The following PCDHA11 variants were observed in gnomAD, a reference collection of about 807,000 sequenced individuals.
PCDHA11 encodes protocadherin alpha-11.
Under a neutral mutation model 70.3 loss-of-function variants are expected in PCDHA11, and 61 were observed. The observed-to-expected ratio is 0.87, with a 90% confidence interval of 0.71 to 1.07. The LOEUF (loss-of-function observed/expected upper bound fraction) is 1.07. Among genes scored for constraint, PCDHA11 ranks in the 50% least tolerant of loss-of-function variants. The probability of loss-of-function intolerance (pLI) is 0.00; values close to 1 mark genes in which losing one functional copy is unlikely to be tolerated. For synonymous variants in PCDHA11, 633 were observed against 555.1 expected (o/e 1.14, Z -1.97); for missense variants, 1,324 against 1,237.5 (o/e 1.07, Z -1.05).
intron 1 of PCDHA11, 53 bp downstream of exon 1, chr5:140,871,547 A>T: frequency 6.7e-7 from 1 of 1,498,966 alleles, no homozygotes; most frequent in Non-Finnish European, 8.9e-7. Flanking sequence ...AATTATTTAA[A>T]ATCCAGTTTT....
chr5:140,980,015 G>A (rs1164072132), intron 2 of PCDHA11, among the ~76,000 whole-genome samples: 2 of 152,192 alleles, frequency 1.3e-5, no homozygotes, highest in East Asian at 3.9e-4. Flanking sequence ...CATTACAAAT[G>A]AGCAGAAATC....
chr5:140,944,097 A>G lies in PCDHA11; in HGVS notation c.2392-34852A>G, dbSNP rs2093609741. On this transcript the variant is annotated intron_variant, in intron 1 of 3. Coordinates refer to ENST00000398640, the MANE Select transcript of PCDHA11 (RefSeq NM_018902.5). ...ATAAAGGAGGCCTGAGTAAGTTTAT[A>G]TCTCATGGGAAAATGGTACCAGAGA... is the stretch of plus-strand genomic sequence containing the variant. Among the ~76,000 whole-genome samples, 3 of 152,244 alleles carry G rather than the reference A, an allele frequency of 2.0e-5. No individual in the cohort carries two copies. In the South Asian group the frequency reaches 6.2e-4, roughly 31 times the overall value.
chr5:140,869,199 C>T lies in PCDHA11; in HGVS notation c.96C>T (p.His32=). ...GGGAGGTGGGGAGCGGCCAGCTCCA[C>T]TACTCCGTCTCGGAGGAGGCCAAAC... The part of the protein sequence containing the change: ...EFWEVGSGQL[H]YSVSEEAKHG... The change falls in exon 1 of 4, where the codon CAC becomes CAT. Residue 32 remains histidine, a synonymous_variant. Coordinates refer to ENST00000398640, the MANE Select transcript of PCDHA11 (RefSeq NM_018902.5). The T allele has an allele frequency of 6.2e-7, 1 of 1,614,024 alleles. No individual in the cohort carries two copies. Among genetic ancestry groups the T allele is most frequent in the Non-Finnish European group, 8.5e-7 (1 of 1,179,954 alleles).
chr5:140,883,080 A>G, intron 1 of PCDHA11: 1 of 1,614,140 alleles, frequency 6.2e-7, no homozygotes, highest in Non-Finnish European at 8.5e-7. Flanking sequence ...GATCCTGATG[A>G]TGGTACAAAT....
chr5:140,967,332 C>T (rs1269679357), intron 1 of PCDHA11: 2 of 1,607,906 alleles, frequency 1.2e-6, no homozygotes, highest in Non-Finnish European at 1.7e-6. Context: ...GAGCTCAGCC[C>T]CAGCGAGCAC....
In PCDHA11 at chr5:140,886,016, A is replaced by G. The variant is rs192748955; in HGVS notation, c.2391+14522A>G. Among the ~76,000 whole-genome samples the G allele has an allele frequency of 3.1e-3, 468 of 152,290 alleles. 3 individuals are homozygous for G. Among genetic ancestry groups the G allele is most frequent in the Middle Eastern group, 0.014 (4 of 294 alleles). On this transcript the variant is annotated intron_variant, in intron 1 of 3. Transcript: ENST00000398640. ...GAAAGAAATAGTAAAGGGAGATGCTATGTATTCTTCACTAAGTTTTCCCCA... is the reference window on the plus strand; with the variant it reads ...GAAAGAAATAGTAAAGGGAGATGCTGTGTATTCTTCACTAAGTTTTCCCCA...
intron 3 of PCDHA11, among the ~76,000 whole-genome samples, chr5:141,007,672 A>G (rs782403242): frequency 6.6e-6 from 1 of 152,194 alleles, no homozygotes; most frequent in African/African-American, 2.4e-5. Context: ...TACAAAGACA[A>G]AAGTTATCCT....
At chr5:141,003,087 G>T (rs894210434) in intron 3 of PCDHA11, among the ~76,000 whole-genome samples, 2 of 152,198 alleles carry the variant, frequency 1.3e-5, no homozygotes, top group African/African-American at 4.8e-5. Context: ...AGTTTAACAG[G>T]CCTGGCATTT....
intron 1 of PCDHA11, among the ~76,000 whole-genome samples, chr5:140,952,559 G>A (rs1185999097): frequency 6.6e-6 from 1 of 152,108 alleles, no homozygotes; most frequent in Non-Finnish European, 1.5e-5. Flanking sequence ...TTCACTATCA[G>A]CACTTCGGTC....
intron 1 of PCDHA11, chr5:140,926,951 G>A: frequency 3.8e-6 from 6 of 1,596,266 alleles, no homozygotes; most frequent in South Asian, 1.1e-5. Context: ...GCTGCAGCGG[G>A]ACAGCTCGAG....
At chr5:140,984,464 C>T (rs890686701) in intron 3 of PCDHA11, among the ~76,000 whole-genome samples, 1 of 152,184 alleles carries the variant, frequency 6.6e-6, no homozygotes, top group Non-Finnish European at 1.5e-5. Context: ...GTCCCAGCCC[C>T]TCTTGTATAA....
At chr5:140,943,515 G>C (rs2093511975) in intron 1 of PCDHA11, among the ~76,000 whole-genome samples, 1 of 152,100 alleles carries the variant, frequency 6.6e-6, no homozygotes, top group African/African-American at 2.4e-5. Context: ...TGGAAATGTT[G>C]AGTTCAGTAT....
rs79247475 is a variant in PCDHA11 at position 140,982,540 on chromosome 5, C to G, written c.2516C>G (p.Pro839Arg). The G allele has an allele frequency of 4.3e-3, 6,927 of 1,614,122 alleles. 34 individuals are homozygous for G. The highest frequency in any genetic ancestry group is 5.0e-3 in the South Asian group (455 of 91,080). Residue 839 changes from proline to arginine, a missense_variant, in exon 3 of 4, where the codon CCA becomes CGA. Physicochemically the swap from Pro to Arg is moderately radical, Grantham distance 103. Transcript: ENST00000398640. ...AGPGGPDQQW[P>R]TVSSATPEPE... ...CCAGGAGGGCCTGATCAGCAGTGGC[C>G]AACAGTATCCAGTGCAACACCAGGT...
At chr5:140,932,028 G>A (rs1299372751) in intron 1 of PCDHA11, among the ~76,000 whole-genome samples, 1 of 151,864 alleles carries the variant, frequency 6.6e-6, no homozygotes, top group South Asian at 2.1e-4. Flanking sequence ...TAAGTTTACA[G>A]TATATATTAA....
intron 1 of PCDHA11, chr5:140,884,364 A>G: frequency 1.2e-6 from 2 of 1,613,884 alleles, no homozygotes; most frequent in Non-Finnish European, 1.7e-6. Flanking sequence ...GTCAATGTTT[A>G]CTTGATCATT....
At chr5:140,959,414 C>T (rs1408668310) in intron 1 of PCDHA11, among the ~76,000 whole-genome samples, 3 of 151,996 alleles carry the variant, frequency 2.0e-5, no homozygotes, top group African/African-American at 7.2e-5. Context: ...GTTGATTGAT[C>T]TGAGAATTTG....
intron 1 of PCDHA11, among the ~76,000 whole-genome samples, chr5:140,917,068 G>A (rs2077864221): frequency 6.6e-6 from 1 of 152,066 alleles, no homozygotes; most frequent in African/African-American, 2.4e-5. Flanking sequence ...CGACAGCACC[G>A]AGTTTAATGT....
At chr5:140,916,596 G>A (rs1482287916) in intron 1 of PCDHA11, among the ~76,000 whole-genome samples, 3 of 152,194 alleles carry the variant, frequency 2.0e-5, no homozygotes, top group Non-Finnish European at 4.4e-5. Context: ...GCTAGGGCCT[G>A]GAATGCGGGC....
rs546510910 is a variant in PCDHA11, at chr5:140,894,996, C to G, written c.2391+23502C>G. ...GTCTTACTTTGTGACATCCTTTACC[C>G]TTTTTACTTGGACCTTTTTCCTTTG... is the stretch of plus-strand genomic sequence containing the variant. On this transcript the variant is annotated intron_variant, in intron 1 of 3. Transcript: ENST00000398640. Among the ~76,000 whole-genome samples, 5 of 152,204 alleles carry G rather than the reference C, an allele frequency of 3.3e-5. No homozygotes were observed. The East Asian group carries it at 9.6e-4, about 29-fold the overall frequency.
Sources: allele counts gnomAD v4.1 joint callset (sites outside exome capture counted in the v4.1 genomes callset), GRCh38; gene constraint gnomAD v4.1.1; transcripts MANE v1.5; gene names NCBI Gene and HGNC (gene_info 2026-07-23, HGNC 2026-07-21).